ANO10: variants seen among roughly 807,000 people sequenced by gnomAD.
ANO10 encodes anoctamin 10.
In ANO10, 77 loss-of-function variants were observed where a neutral mutation model predicts 74.7. That is an observed-to-expected ratio of 1.03 (90% CI 0.86 to 1.25). The LOEUF is 1.25. Among genes scored for constraint, ANO10 ranks in the 50% most tolerant of loss-of-function variants. The pLI, the probability that ANO10 is intolerant of heterozygous loss-of-function variation, is 0.00. For synonymous variants in ANO10, 279 were observed against 284.9 expected, an observed-to-expected ratio of 0.98 and a Z score of 0.21; for missense variants, 721 against 778.1, an observed-to-expected ratio of 0.93 and a Z score of 0.87.
intron 1 of ANO10, among the ~76,000 whole-genome samples, chr3:43,658,591 T>C (rs1156528286): frequency 2.0e-5 from 3 of 152,208 alleles, no homozygotes; most frequent in South Asian, 2.1e-4. Flanking sequence ...TGCCTCAGCC[T>C]CCTGAGTAGC....
At chr3:43,669,500 C>G (rs996916570) in intron 1 of ANO10, among the ~76,000 whole-genome samples, 12 of 152,124 alleles carry the variant, frequency 7.9e-5, no homozygotes, top group African/African-American at 2.7e-4. Context: ...GAGGTTTCTG[C>G]TCCTAGGTTT....
chr3:43,421,849 G>A (rs148842504), intron 12 of ANO10, among the ~76,000 whole-genome samples: 12 of 151,832 alleles, frequency 7.9e-5, no homozygotes, highest in South Asian at 2.1e-4. Context: ...AAAAAAAAAA[G>A]TTTTTTTATT....
At chr3:43,446,282 G>A (rs1210660891) in intron 11 of ANO10, among the ~76,000 whole-genome samples, 1 of 152,136 alleles carries the variant, frequency 6.6e-6, no homozygotes, top group Non-Finnish European at 1.5e-5. Flanking sequence ...AGCTTCTCAG[G>A]TTTTGCTTTA....
chr3:43,685,037 A>T (rs1207205179), intron 1 of ANO10, among the ~76,000 whole-genome samples: 2 of 152,268 alleles, frequency 1.3e-5, no homozygotes, highest in Non-Finnish European at 2.9e-5. Context: ...CATATGTAAC[A>T]AACCTGCACG....
intron 11 of ANO10, among the ~76,000 whole-genome samples, chr3:43,498,124 T>C (rs1483482404): frequency 2.0e-5 from 3 of 152,206 alleles, no homozygotes; most frequent in Admixed American, 6.5e-5. Context: ...ATGTATTTCT[T>C]TAAAAAGTAT....
chr3:43,587,451 T>A (rs1002133761), intron 4 of ANO10, among the ~76,000 whole-genome samples: 1 of 152,138 alleles, frequency 6.6e-6, no homozygotes, highest in African/African-American at 2.4e-5. Context: ...TGAGGACTCA[T>A]CACCCTCCTT....
Position 43,651,883 on chromosome 3 carries a change from G to A in ANO10, c.-12+39634C>T, listed in dbSNP as rs114752322. ...TCCTCCTACAATACAGTCTAGGGTT[G>A]GTTGTAGCAAGACCATTTCCCCATC... is the stretch of plus-strand genomic sequence containing the variant. On this transcript the variant is annotated intron_variant, in intron 1 of 3. Coordinates refer to the ANO10 transcript ENST00000413397. Among the ~76,000 whole-genome samples the A allele has an allele frequency of 3.1e-3, 473 of 152,218 alleles. 3 individuals are homozygous for A. Among genetic ancestry groups the A allele is most frequent in the African/African-American group, 0.011 (441 of 41,534 alleles).
intron 1 of ANO10, chr3:43,689,384 G>C (rs1348342990): frequency 6.6e-6 from 1 of 152,160 alleles, no homozygotes; most frequent in African/African-American, 2.4e-5. Context: ...TGACAAGCTG[G>C]ATTTGTCTCC....
At chr3:43,420,007 C>A (rs1255518879) in intron 12 of ANO10, among the ~76,000 whole-genome samples, 3 of 152,102 alleles carry the variant, frequency 2.0e-5, no homozygotes, top group Non-Finnish European at 4.4e-5. Context: ...AACAAATGAG[C>A]AAACATGTTG....
At chr3:43,560,397 G>A (rs141476577) in intron 9 of ANO10, among the ~76,000 whole-genome samples, 1 of 152,134 alleles carries the variant, frequency 6.6e-6, no homozygotes, top group Non-Finnish European at 1.5e-5. Flanking sequence ...CTAAGCACAT[G>A]AGAAAAATTA....
intron 1 of ANO10, among the ~76,000 whole-genome samples, chr3:43,681,703 AAAG>A (rs2084203717): frequency 6.6e-6 from 1 of 152,242 alleles, no homozygotes; most frequent in South Asian, 2.1e-4. Flanking sequence ...AGCAAATGTA[AAAG>A]AACAGAAATT....
At chr3:43,517,113 T>C (rs754815495) in intron 11 of ANO10, among the ~76,000 whole-genome samples, 1 of 152,210 alleles carries the variant, frequency 6.6e-6, no homozygotes, top group African/African-American at 2.4e-5. Flanking sequence ...AACTAATCAG[T>C]ACATTTTTTT....
chr3:43,384,404 T>C (rs377250112), intron 12 of ANO10, among the ~76,000 whole-genome samples: 5 of 152,262 alleles, frequency 3.3e-5, no homozygotes, highest in African/African-American at 1.2e-4. Context: ...GTACCATCAT[T>C]CTTCACAGAA....
rs945777304 is a variant in ANO10 at position 43,561,201 on chromosome 3, C to A, written c.1476+19G>T. 6.2e-7 allele frequency: 1 copy of A among 1,612,900 alleles called. No homozygotes were observed. The highest frequency in any genetic ancestry group is 1.3e-5 in the African/African-American group (1 of 74,920). On this transcript the variant is annotated intron_variant, in intron 9 of 12. Transcript: ENST00000292246. ...ATTCACTCTCAGTAAATGTTTAATT[C>A]AGCAATATTCCAACTTACCAAATAA... is the stretch of plus-strand genomic sequence containing the variant.
intron 12 of ANO10, among the ~76,000 whole-genome samples, chr3:43,411,333 G>A (rs1194593134): frequency 6.6e-6 from 1 of 152,048 alleles, no homozygotes; most frequent in Non-Finnish European, 1.5e-5. Flanking sequence ...AGAGAAACTT[G>A]CCTCCCCATT....
At chr3:43,478,866 C>A (rs1033811078) in intron 11 of ANO10, among the ~76,000 whole-genome samples, 1 of 152,152 alleles carries the variant, frequency 6.6e-6, no homozygotes, top group African/African-American at 2.4e-5. Flanking sequence ...CAAATTGTCT[C>A]CATTTTAAGG....
At chr3:43,387,446 G>A (rs1284776010) in intron 12 of ANO10, among the ~76,000 whole-genome samples, 1 of 151,794 alleles carries the variant, frequency 6.6e-6, no homozygotes, top group African/African-American at 2.4e-5. Flanking sequence ...GGAGAGCACT[G>A]TCAGGTGGAG....
chr3:43,377,602 G>A (rs1329694161), intron 12 of ANO10, among the ~76,000 whole-genome samples: 1 of 152,192 alleles, frequency 6.6e-6, no homozygotes, highest in Non-Finnish European at 1.5e-5. Flanking sequence ...GACCATCCAA[G>A]GCCAAGATGA....
intron 11 of ANO10, among the ~76,000 whole-genome samples, chr3:43,547,570 T>C (rs377704406): frequency 6.6e-6 from 1 of 152,078 alleles, no homozygotes; most frequent in Non-Finnish European, 1.5e-5. Flanking sequence ...TTTTATACAA[T>C]GTGAAGAGAC....
Sources: allele counts gnomAD v4.1 joint callset (sites outside exome capture counted in the v4.1 genomes callset), GRCh38; gene constraint gnomAD v4.1.1; transcripts MANE v1.5; gene names NCBI Gene and HGNC (gene_info 2026-07-23, HGNC 2026-07-21).